The following PARP8 variants were observed in gnomAD, a reference collection of about 807,000 sequenced individuals.
PARP8 encodes protein mono-ADP-ribosyltransferase PARP8.
A neutral mutation model predicts 124.1 loss-of-function variants in PARP8; 51 were observed. The observed-to-expected ratio is 0.41, with a 90% CI of 0.33 to 0.52. The LOEUF is 0.52. Ranked by LOEUF, PARP8 falls within the 20% of genes least tolerant of loss-of-function variation. The pLI is 0.21. For missense variants in PARP8, 860 were observed against 1,018.9 expected (o/e 0.84, Z 2.12); for synonymous variants, 391 against 361.5 (o/e 1.08, Z -0.93).
At chr5:50,683,907 C>T (rs1751566271) in intron 2 of PARP8, among the ~76,000 whole-genome samples, 1 of 152,120 alleles carries the variant, frequency 6.6e-6, no homozygotes, top group Admixed American at 6.5e-5. Context: ...CATATCTTAG[C>T]ACTAAAGAAG....
chr5:50,750,083 CT>C (rs929288690), intron 2 of PARP8, 67 bp from the exon 3 acceptor site: 46 of 1,289,862 alleles, frequency 3.6e-5, no homozygotes, highest in Admixed American at 7.6e-5. Flanking sequence ...TTTGGTTTGT[CT>C]TTTTTTTATA....
At chr5:50,834,375 A>G (rs1747333798) in intron 24 of PARP8, among the ~76,000 whole-genome samples, 1 of 152,138 alleles carries the variant, frequency 6.6e-6, no homozygotes, top group Admixed American at 6.6e-5. Flanking sequence ...TGAATATATG[A>G]TACTATGAAA....
intron 19 of PARP8, among the ~76,000 whole-genome samples, chr5:50,827,116 A>G (rs27357): frequency 0.16 from 23,693 of 152,148 alleles, 2,257 homozygotes; most frequent in African/African-American, 0.27. Context: ...AATGTGCTTT[A>G]TAATCGTTGT....
At chr5:50,754,445 G>A (rs1321839400) in intron 3 of PARP8, among the ~76,000 whole-genome samples, 1 of 151,034 alleles carries the variant, frequency 6.6e-6, no homozygotes, top group Non-Finnish European at 1.5e-5. Flanking sequence ...TTGGTTTTTT[G>A]TCCTTGCGAT....
intron 14 of PARP8, among the ~76,000 whole-genome samples, chr5:50,807,054 C>T (rs1243047566): frequency 2.0e-5 from 3 of 151,118 alleles, no homozygotes; most frequent in East Asian, 3.9e-4. Context: ...TGTTAGATCT[C>T]GCTTTCCAAA....
intron 2 of PARP8, among the ~76,000 whole-genome samples, chr5:50,698,884 A>T (rs200419720): frequency 1.3e-5 from 2 of 152,210 alleles, no homozygotes; most frequent in East Asian, 3.8e-4. Flanking sequence ...TACCAAATAA[A>T]TGTATTCAAG....
chr5:50,794,856 G>C lies in PARP8; in HGVS notation c.867G>C (p.Ser289=). The change falls in exon 12 of 26, where the codon TCG becomes TCC. Residue 289 remains serine, a synonymous_variant. Coordinates refer to ENST00000281631, the MANE Select transcript of PARP8 (RefSeq NM_024615.4). ...TAATTGTTGTTCAATTTTGAAGGTCGCCAAGTTATCCTCCCCCTGGTTGTG... is the reference window on the plus strand; with the variant it reads ...TAATTGTTGTTCAATTTTGAAGGTCCCCAAGTTATCCTCCCCCTGGTTGTG... ...PLHLFSTLRR[S]PSYPPPGCGK... is the part of the protein sequence containing the mutation. 1 of 1,611,016 alleles carries C rather than the reference G, an allele frequency of 6.2e-7. No homozygotes were observed. The highest frequency in any genetic ancestry group is 8.5e-7 in the Non-Finnish European group (1 of 1,178,028).
chr5:50,833,528 C>G, intron 23 of PARP8: 1 of 329,916 alleles, frequency 3.0e-6, no homozygotes. Context: ...AAAAAAAATC[C>G]CAGATTTTCT....
chr5:50,751,357 A>G (rs1404095895), intron 3 of PARP8, among the ~76,000 whole-genome samples: 2 of 152,176 alleles, frequency 1.3e-5, no homozygotes, highest in Admixed American at 6.5e-5. Flanking sequence ...TGCTCTTTTT[A>G]CTGAATTCTC....
At chr5:50,774,608 G>T (rs1561361163) in intron 7 of PARP8, among the ~76,000 whole-genome samples, 1 of 140,054 alleles carries the variant, frequency 7.1e-6, no homozygotes, top group Non-Finnish European at 1.5e-5. Flanking sequence ...GGGCGGCCGG[G>T]CAGAGGCGCT....
intron 2 of PARP8, among the ~76,000 whole-genome samples, chr5:50,714,492 G>A (rs140606520): frequency 6.6e-6 from 1 of 152,156 alleles, no homozygotes; most frequent in African/African-American, 2.4e-5. Flanking sequence ...TGCCATGGTG[G>A]TTTGCTGCGC....
intron 18 of PARP8, among the ~76,000 whole-genome samples, chr5:50,826,510 T>C (rs1487312423): frequency 6.6e-6 from 1 of 152,144 alleles, no homozygotes; most frequent in African/African-American, 2.4e-5. Flanking sequence ...TATTAAAAAC[T>C]ATGTCTTAAG....
At chr5:50,818,983 A>G (rs1035577787) in intron 15 of PARP8, among the ~76,000 whole-genome samples, 2 of 152,296 alleles carry the variant, frequency 1.3e-5, no homozygotes, top group South Asian at 4.1e-4. Flanking sequence ...ACTGAGGAAG[A>G]CATACCTTTC....
At chr5:50,741,661 A>G (rs1212768006) in intron 2 of PARP8, among the ~76,000 whole-genome samples, 1 of 152,220 alleles carries the variant, frequency 6.6e-6, no homozygotes, top group Non-Finnish European at 1.5e-5. Context: ...TAACTTAAAA[A>G]ATTACCAAAA....
At position 50,764,657 on chromosome 5, in the gene PARP8, A is replaced by G. The variant is rs542914269; in HGVS notation, c.518+1415A>G. On this transcript the variant is annotated intron_variant, in intron 7 of 25. Transcript: ENST00000281631. Reference sequence around the variant, plus strand: ...AGCAAGTCTTCTCTTTGCAGACTTCAAAGTTTTAGCAAATTAGCTGCAATA... The same window carrying G: ...AGCAAGTCTTCTCTTTGCAGACTTCGAAGTTTTAGCAAATTAGCTGCAATA... 2.6e-5 allele frequency among the ~76,000 whole-genome samples: 4 copies of G among 152,340 alleles called. No individual in the cohort carries two copies. In the East Asian group the frequency reaches 7.7e-4, roughly 29 times the overall value.
At chr5:50,682,382 A>C (rs1380317533) in intron 2 of PARP8, among the ~76,000 whole-genome samples, 2 of 152,302 alleles carry the variant, frequency 1.3e-5, no homozygotes, top group East Asian at 3.9e-4. Flanking sequence ...TGAAAGTAAC[A>C]TTTTGCCAAG....
At position 50,698,590 on chromosome 5, in the gene PARP8, C is replaced by A. The variant is rs565080591; in HGVS notation, c.146+30465C>A. Among the ~76,000 whole-genome samples, 32 of 152,086 alleles carry A rather than the reference C, an allele frequency of 2.1e-4. No individual in the cohort carries two copies. In the East Asian group the frequency reaches 4.3e-3, roughly 20 times the overall value. ...ATAGGATGATACAATTTTTTCCCCC[C>A]AAAGCACAGTGGAGAGCAGGAGAAA... On this transcript the variant is annotated intron_variant, in intron 2 of 25. Transcript: ENST00000281631.
Position 50,846,437 on chromosome 5 carries a change from C to T in PARP8, c.*4369C>T, listed in dbSNP as rs567254445. ...TCTTGCTTTCTATTGCTACTAAAGC[C>T]TCTTTTATCCAGCTTTGTAATAGTT... On this transcript the variant is annotated 3_prime_UTR_variant, in exon 26 of 26. Transcript: ENST00000281631. 1 of 151,794 alleles carries T rather than the reference C, an allele frequency of 6.6e-6. No individual in the cohort carries two copies. The highest frequency in any genetic ancestry group is 1.9e-4 in the East Asian group (1 of 5,146). 9.4% of individuals were successfully genotyped at this position (151,794 alleles called of 1,614,324 possible).
chr5:50,808,927 T>A (rs1744145160), intron 14 of PARP8, among the ~76,000 whole-genome samples: 1 of 151,878 alleles, frequency 6.6e-6, no homozygotes, highest in Admixed American at 6.6e-5. Context: ...ATTAAAACCC[T>A]CCCCTAACCT....
Sources: gnomAD v4.1 joint callset for allele counts (sites outside exome capture counted in the v4.1 genomes callset) on GRCh38, gnomAD v4.1.1 for gene constraint, MANE v1.5 for transcripts, NCBI Gene and HGNC (gene_info 2026-07-23, HGNC 2026-07-21) for gene names.